The following CSGALNACT1 variants were observed in gnomAD, a reference collection of about 807,000 sequenced individuals.
The protein encoded by CSGALNACT1 is beta4GalNAcT-1.
CSGALNACT1 carries 52 observed loss-of-function variants against 51.0 expected under a neutral mutation model. That is an observed-to-expected ratio of 1.02 (90% CI 0.82 to 1.29). The LOEUF is 1.29. Among genes scored for constraint, CSGALNACT1 ranks in the 50% most tolerant of loss-of-function variants. CSGALNACT1 has a pLI of 0.00. For missense variants in CSGALNACT1, 935 were observed against 679.2 expected, an observed-to-expected ratio of 1.38 and a Z score of -4.19; for synonymous variants, 341 against 254.4, an observed-to-expected ratio of 1.34 and a Z score of -3.24.
intron 3 of CSGALNACT1, among the ~76,000 whole-genome samples, chr8:19,570,864 C>A: frequency 1.3e-5 from 2 of 152,264 alleles, no homozygotes; most frequent in South Asian, 4.1e-4. Flanking sequence ...GCCGAGATCA[C>A]GCTATTGCAT....
chr8:19,698,562 T>C (rs1364733185), intron 1 of CSGALNACT1, among the ~76,000 whole-genome samples: 2 of 152,210 alleles, frequency 1.3e-5, no homozygotes, highest in Non-Finnish European at 2.9e-5. Context: ...AGAGGAGCAG[T>C]GATTCTCAAA....
intron 1 of CSGALNACT1, among the ~76,000 whole-genome samples, chr8:19,755,620 G>C (rs972655548): frequency 2.0e-5 from 3 of 152,126 alleles, no homozygotes; most frequent in African/African-American, 7.2e-5. Context: ...GGCTAGGAAA[G>C]GGGAAGTAAC....
At chr8:19,418,785 A>G in intron 7 of CSGALNACT1, 35 bp from the exon 7 acceptor site, 1 of 1,435,924 alleles carries the variant, frequency 7.0e-7, no homozygotes, top group Non-Finnish European at 9.8e-7. Context: ...ACTTAAAGTG[A>G]CAGATCCAAG....
intron 1 of CSGALNACT1, among the ~76,000 whole-genome samples, chr8:19,643,165 GTAAAT>G (rs1270914408): frequency 1.3e-5 from 2 of 151,362 alleles, no homozygotes; most frequent in Non-Finnish European, 2.9e-5. Flanking sequence ...TATTAATACA[GTAAAT>G]TAAAATACTG....
chr8:19,538,290 T>C (rs1385898375), intron 3 of CSGALNACT1, among the ~76,000 whole-genome samples: 1 of 152,048 alleles, frequency 6.6e-6, no homozygotes, highest in Non-Finnish European at 1.5e-5. Flanking sequence ...ATGATTGTAC[T>C]CCATCCTGTG....
intron 1 of CSGALNACT1, among the ~76,000 whole-genome samples, chr8:19,664,232 T>A (rs148510937): frequency 2.0e-5 from 3 of 152,316 alleles, no homozygotes; most frequent in African/African-American, 7.2e-5. Flanking sequence ...CATTACTAGT[T>A]TTACAGGATT....
chr8:19,430,737 A>T (rs1204228425), intron 6 of CSGALNACT1, among the ~76,000 whole-genome samples: 2 of 152,138 alleles, frequency 1.3e-5, no homozygotes, highest in Non-Finnish European at 2.9e-5. Flanking sequence ...CAAGAAAGTC[A>T]TCTTGGATTT....
chr8:19,616,010 T>C (rs907198758), intron 1 of CSGALNACT1, among the ~76,000 whole-genome samples: 9 of 152,012 alleles, frequency 5.9e-5, no homozygotes, highest in African/African-American at 2.2e-4. Context: ...AAGAAGACAA[T>C]AGGAAAATTA....
In CSGALNACT1 at chr8:19,547,833, G is replaced by C. The variant is rs575800620; in HGVS notation, c.-296-41703C>G. On this transcript the variant is annotated intron_variant, in intron 3 of 9. Coordinates refer to ENST00000454498, the Ensembl canonical transcript of CSGALNACT1. ...TAGCAAGTAATACTGAGAAGTGAAA[G>C]AAAGAGTAACATTTACATAAAAGGT... Among the ~76,000 whole-genome samples the C allele has an allele frequency of 1.1e-4, 16 of 152,300 alleles. No individual in the cohort carries two copies. In the South Asian group the frequency reaches 1.7e-3, roughly 16 times the overall value.
At chr8:19,431,700 C>T (rs1020087996) in intron 6 of CSGALNACT1, among the ~76,000 whole-genome samples, 1 of 152,072 alleles carries the variant, frequency 6.6e-6, no homozygotes, top group African/African-American at 2.4e-5. Context: ...AAAGTGTTCT[C>T]TCCTCTTCCA....
At position 19,574,367 on chromosome 8, in the gene CSGALNACT1, T is replaced by G. The variant is rs147075835; in HGVS notation, c.-297+16793A>C. Among the ~76,000 whole-genome samples the G allele has an allele frequency of 6.4e-3, 977 of 152,338 alleles. 18 individuals are homozygous for G. The highest frequency in any genetic ancestry group is 0.022 in the African/African-American group (931 of 41,592). ...TCTTGCAACAACTTCCACAGCCTCT[T>G]GGAATCTGCCATCCATTTCCAGCCT... On this transcript the variant is annotated intron_variant, in intron 3 of 9. Coordinates refer to ENST00000454498, the Ensembl canonical transcript of CSGALNACT1.
intron 3 of CSGALNACT1, among the ~76,000 whole-genome samples, chr8:19,535,113 G>C (rs536394532): frequency 3.0e-4 from 45 of 152,152 alleles, no homozygotes; most frequent in African/African-American, 9.2e-4. Flanking sequence ...TGAAGAAATA[G>C]GTTCCTAACA....
intron 3 of CSGALNACT1, among the ~76,000 whole-genome samples, chr8:19,581,596 ACT>A (rs560922911): frequency 1.7e-3 from 266 of 152,248 alleles, no homozygotes; most frequent in African/African-American, 6.2e-3. Flanking sequence ...ACAGAGTGAG[ACT>A]CTGTCTAAAA....
intron 2 of CSGALNACT1, among the ~76,000 whole-genome samples, chr8:19,599,472 A>AAGAGAAAGAAAG (rs1554751245): frequency 8.8e-6 from 1 of 113,736 alleles, no homozygotes; most frequent in East Asian, 2.6e-4. Flanking sequence ...GAAAGAAAGA[A>AAGAGAAAGAAAG]AAAGAAAGAA....
Position 19,474,879 on chromosome 8 carries a change from AAAAAAAAG to A in CSGALNACT1, c.635-16245_635-16238del, listed in dbSNP as rs1458909480. Reference sequence around the variant, plus strand: ...TGAAACTCTGTCTCAGAAAAAAAAAAAAAAAAAGAAAAAAAAAAGAAAGCAACTTCCAT... The same window carrying A: ...TGAAACTCTGTCTCAGAAAAAAAAAAAAAAAAAAAAGAAAGCAACTTCCAT... On this transcript the variant is annotated intron_variant, in intron 4 of 9. Coordinates refer to ENST00000454498, the Ensembl canonical transcript of CSGALNACT1. Among the ~76,000 whole-genome samples the A allele has an allele frequency of 3.4e-4, 51 of 150,836 alleles. No individual in the cohort carries two copies. The South Asian group carries it at 3.5e-3, about 10-fold the overall frequency.
intron 3 of CSGALNACT1, among the ~76,000 whole-genome samples, chr8:19,531,454 A>T (rs1342501748): frequency 6.6e-6 from 1 of 152,202 alleles, no homozygotes; most frequent in East Asian, 1.9e-4. Flanking sequence ...CTTTGAGTGG[A>T]TCACTTCATT....
intron 1 of CSGALNACT1, among the ~76,000 whole-genome samples, chr8:19,696,093 A>G (rs759207946): frequency 6.6e-6 from 1 of 152,240 alleles, no homozygotes; most frequent in East Asian, 1.9e-4. Flanking sequence ...TTTTAAAAAC[A>G]AATTGGATAG....
chr8:19,638,003 C>T (rs1432017501), intron 1 of CSGALNACT1, among the ~76,000 whole-genome samples: 1 of 152,184 alleles, frequency 6.6e-6, no homozygotes, highest in Non-Finnish European at 1.5e-5. Flanking sequence ...AGTGGGTCCA[C>T]TGAGCAGCTC....
chr8:19,544,250 C>T (rs1042144301), intron 3 of CSGALNACT1, among the ~76,000 whole-genome samples: 2 of 152,080 alleles, frequency 1.3e-5, no homozygotes, highest in African/African-American at 4.8e-5. Flanking sequence ...GGAATATGTG[C>T]CACCACCACT....
Sources: allele counts gnomAD v4.1 joint callset (sites outside exome capture counted in the v4.1 genomes callset), GRCh38; gene constraint gnomAD v4.1.1; transcripts MANE v1.5; gene names NCBI Gene and HGNC (gene_info 2026-07-23, HGNC 2026-07-21).